SNX19: variants seen among roughly 807,000 people sequenced by gnomAD.
The protein encoded by SNX19 is sorting nexin-19.
In SNX19, 60 loss-of-function variants were observed where a neutral mutation model predicts 85.2. The ratio of observed to expected loss-of-function variants is 0.70; its 90% confidence interval spans 0.57 to 0.87. The LOEUF is 0.87. SNX19 is among the 40% of genes least tolerant of loss of function. SNX19 has a pLI of 0.00. For missense variants in SNX19, 1,201 were observed against 1,217.8 expected (o/e 0.99, Z 0.21); for synonymous variants, 520 against 470.0 (o/e 1.11, Z -1.38).
rs1362206563 is a variant in SNX19, at chr11:130,872,417, T to C, written c.*6005A>G. Among the ~76,000 whole-genome samples the C allele has an allele frequency of 6.6e-6, 1 of 152,166 alleles. No individual in the cohort carries two copies. The highest frequency in any genetic ancestry group is 1.5e-5 in the Non-Finnish European group (1 of 68,026). On this transcript the variant is annotated 3_prime_UTR_variant, in exon 11 of 11. Coordinates refer to ENST00000265909, the MANE Select transcript of SNX19 (RefSeq NM_014758.3). ...GAAAAAGATTCTGATGATTTTCACT[T>C]GTTTCACGCTTGACAATTAAAACAT...
At position 130,880,708 on chromosome 11, in the gene SNX19, G is replaced by A. The variant is rs2135279220; in HGVS notation, c.2672C>T (p.Pro891Leu). Residue 891 changes from proline (P) to leucine (L), a missense_variant, in exon 9 of 11, where the codon CCT becomes CTT. Physicochemically the swap from Pro to Leu is moderately conservative, Grantham distance 98 (BLOSUM62 -3). Transcript: ENST00000265909. ...QESIWPGGVL[P>L]KFPRPVRTQE... The stretch of plus-strand genomic sequence containing the variant: ...GGTCCTTACGGGCCGTGGAAACTTA[G>A]GCAAAACTCCACCAGGCCAGATGGA... The A allele has an allele frequency of 6.2e-7, 1 of 1,612,414 alleles. No homozygotes were observed. Among genetic ancestry groups the A allele is most frequent in the Non-Finnish European group, 8.5e-7 (1 of 1,178,696 alleles).
chr11:130,894,377 A>G (rs912083004), intron 8 of SNX19, among the ~76,000 whole-genome samples: 1 of 152,194 alleles, frequency 6.6e-6, no homozygotes. Context: ...TATGCTGAAG[A>G]CGCATTAGAG....
At chr11:130,907,562 C>A (rs1219306033) in intron 5 of SNX19, among the ~76,000 whole-genome samples, 1 of 152,178 alleles carries the variant, frequency 6.6e-6, no homozygotes, top group Non-Finnish European at 1.5e-5. Flanking sequence ...ATATATGCAA[C>A]TTCTGAGCCA....
chr11:130,910,512 C>T (rs987973552), intron 2 of SNX19, 142 bp from the exon 3 acceptor site: 17 of 652,508 alleles, frequency 2.6e-5, no homozygotes, highest in Non-Finnish European at 4.1e-5. Flanking sequence ...TCCAAATATA[C>T]ATACGATCCA....
chr11:130,903,208 C>G, intron 8 of SNX19, 47 bp downstream of exon 8: 1 of 1,610,548 alleles, frequency 6.2e-7, no homozygotes. Context: ...CATCCACCTT[C>G]TCTGCAACTT....
At chr11:130,913,644 T>C (rs1245458231) in intron 1 of SNX19, among the ~76,000 whole-genome samples, 2 of 152,216 alleles carry the variant, frequency 1.3e-5, no homozygotes, top group Admixed American at 1.3e-4. Context: ...AGAATTTTCT[T>C]TCTCAACTTC....
intron 8 of SNX19, among the ~76,000 whole-genome samples, chr11:130,898,586 C>T (rs935878705): frequency 3.9e-5 from 6 of 152,130 alleles, no homozygotes; most frequent in East Asian, 1.9e-4. Flanking sequence ...TGGGAGGCAA[C>T]GGGACCTCAT....
intron 2 of SNX19, among the ~76,000 whole-genome samples, chr11:130,910,879 TAA>T (rs1323717769): frequency 6.6e-6 from 1 of 152,132 alleles, no homozygotes; most frequent in East Asian, 1.9e-4. Flanking sequence ...TACTAATCCT[TAA>T]GAGTGAAATT....
At chr11:130,883,725 T>A (rs2135291401) in intron 8 of SNX19, among the ~76,000 whole-genome samples, 1 of 152,316 alleles carries the variant, frequency 6.6e-6, no homozygotes, top group Admixed American at 6.5e-5. Context: ...AGCATGGTCT[T>A]ATTTCCTAGT....
chr11:130,888,661 G>T (rs7107595), intron 8 of SNX19, among the ~76,000 whole-genome samples: 1 of 151,940 alleles, frequency 6.6e-6, no homozygotes, highest in African/African-American at 2.4e-5. Context: ...AAATGTTGGG[G>T]TCAAGAACCT....
rs149792038 is a variant in SNX19, at chr11:130,903,183, C to A, written c.2573+72G>T. On this transcript the variant is annotated intron_variant, in intron 8 of 10. Coordinates refer to ENST00000265909, the MANE Select transcript of SNX19 (RefSeq NM_014758.3). The stretch of plus-strand genomic sequence containing the variant: ...CTCTTACGGCTGCAGATTCCCTGGA[C>A]ACTATTCAGCATCACATCCACCTTC... The A allele has an allele frequency of 2.3e-4, 359 of 1,591,224 alleles. 1 individual carries two copies. The highest frequency in any genetic ancestry group is 5.9e-4 in the Admixed American group (35 of 58,886).
chr11:130,906,021 T>C lies in SNX19; in HGVS notation c.2375A>G (p.Lys792Arg), dbSNP rs778182486. Residue 792 changes from lysine (K) to arginine (R), a missense_variant, in exon 7 of 11, where the codon AAA (lysine) becomes AGA (arginine). By Grantham distance (26) the Lys-to-Arg change is conservative. Around this residue, in one of 3 missense-constraint regions of SNX19, gnomAD observed 285 missense variants for 295.3 expected, o/e 0.97. Transcript: ENST00000265909. Reference protein sequence around the residue: ...APEKDPEQPPKGRVDSCVSDA... With the variant: ...APEKDPEQPPRGRVDSCVSDA... ...TGACACGCAACTGTCCACACGTCCT[T>C]TGGGAGGTTGTTCAGGATCTTTTTC... The C allele has an allele frequency of 1.2e-6, 2 of 1,614,192 alleles. No individual in the cohort carries two copies. Among genetic ancestry groups the C allele is most frequent in the Admixed American group, 1.7e-5 (1 of 60,028 alleles).
chr11:130,893,839 A>G (rs1337469519), intron 8 of SNX19: 3 of 702,112 alleles, frequency 4.3e-6, no homozygotes, highest in Non-Finnish European at 7.8e-6. Flanking sequence ...CGGGGCCAGC[A>G]TTATATTAGA....
intron 8 of SNX19, among the ~76,000 whole-genome samples, chr11:130,896,688 TC>T (rs1332965466): frequency 4.6e-5 from 7 of 152,240 alleles, no homozygotes; most frequent in Non-Finnish European, 8.8e-5. Flanking sequence ...AATGTAATTT[TC>T]TTCACTTATG....
At chr11:130,889,807 T>C (rs1199866203) in intron 8 of SNX19, among the ~76,000 whole-genome samples, 3 of 152,196 alleles carry the variant, frequency 2.0e-5, no homozygotes, top group Non-Finnish European at 2.9e-5. Flanking sequence ...AAGTTCACCA[T>C]GTGAATAATC....
chr11:130,878,945 G>A (rs1391055664), intron 10 of SNX19, among the ~76,000 whole-genome samples: 1 of 152,170 alleles, frequency 6.6e-6, no homozygotes, highest in Non-Finnish European at 1.5e-5. Flanking sequence ...AGGCAGTGAG[G>A]TAAAGCCAGG....
chr11:130,878,435 C>G lies in SNX19; in HGVS notation c.2966G>C (p.Gly989Ala), dbSNP rs146391746. 35 of 1,613,598 alleles carry G rather than the reference C, an allele frequency of 2.2e-5. No homozygotes were observed. The African/African-American group carries it at 4.3e-4, about 20-fold the overall frequency. ...SDTPGNSKRM[G>A]VSS ...GTGAATAACCAGCTAAGAGGAGACA[C>G]CCATCCTCTTAGAGTTGCCTGGGGT... The change falls in exon 11 of 11, where the codon GGT becomes GCT. Residue 989 changes from glycine (G) to alanine (A), a missense_variant. Gly to Ala is a moderately conservative substitution (Grantham distance 60). Transcript: ENST00000265909.
Position 130,914,814 on chromosome 11 carries a change from G to A in SNX19, c.1126C>T (p.Pro376Ser), listed in dbSNP as rs781671118. ...GTTTCTTTGCCCAGTTCAGACAGCGGAGACTCCAGCTCTGAGTCTTCACAT... is the reference window on the plus strand; with the variant it reads ...GTTTCTTTGCCCAGTTCAGACAGCGAAGACTCCAGCTCTGAGTCTTCACAT... ...FLCEDSELESPLSELGKETIM... is the reference protein window; with the variant it reads ...FLCEDSELESSLSELGKETIM... Residue 376 changes from proline to serine, a missense_variant, in exon 1 of 11, where the codon CCG (proline) becomes TCG (serine). Physicochemically the swap from Pro to Ser is moderately conservative, Grantham distance 74 (BLOSUM62 -1). Coordinates refer to ENST00000265909, the MANE Select transcript of SNX19 (RefSeq NM_014758.3). The A allele has an allele frequency of 1.2e-5, 20 of 1,614,120 alleles. No individual in the cohort carries two copies. Among genetic ancestry groups the A allele is most frequent in the Non-Finnish European group, 3.4e-6 (4 of 1,180,052 alleles).
intron 8 of SNX19, chr11:130,894,765 T>C: frequency 1.0e-6 from 1 of 985,464 alleles, no homozygotes; most frequent in South Asian, 4.7e-5. Context: ...CCCCTCCTCC[T>C]GTTTTAAAAA....
Sources: gnomAD v4.1 joint callset for allele counts (sites outside exome capture counted in the v4.1 genomes callset) on GRCh38, gnomAD v4.1.1 for gene constraint, gnomAD v4.1.1 regional missense constraint, MANE v1.5 for transcripts, NCBI Gene and HGNC (gene_info 2026-07-23, HGNC 2026-07-21) for gene names.